The following HIPK2 variants were observed in gnomAD, a reference collection of about 807,000 sequenced individuals.
HIPK2 encodes the protein homeodomain interacting protein kinase 2.
A neutral mutation model predicts 113.7 loss-of-function variants in HIPK2; 27 were observed. That is an observed-to-expected ratio of 0.24 (90% CI 0.17 to 0.33). HIPK2 has a LOEUF of 0.33. Ranked by LOEUF, HIPK2 falls within the 10% of genes least tolerant of loss-of-function variation. The pLI is 1.00. For synonymous variants in HIPK2, 631 were observed against 642.2 expected (o/e 0.98, Z 0.26); for missense variants, 1,257 against 1,588.0 (o/e 0.79, Z 3.54).
At chr7:139,658,871 T>C (rs549692347) in intron 2 of HIPK2, among the ~76,000 whole-genome samples, 5 of 152,352 alleles carry the variant, frequency 3.3e-5, no homozygotes, top group Admixed American at 2.6e-4. Flanking sequence ...CAGGGTTTTC[T>C]ATCTGAACTA....
At chr7:139,686,334 A>G (rs1794216895) in intron 2 of HIPK2, among the ~76,000 whole-genome samples, 1 of 152,220 alleles carries the variant, frequency 6.6e-6, no homozygotes, top group African/African-American at 2.4e-5. Context: ...GTTTCTTGAG[A>G]TGGAATCTAT....
intron 2 of HIPK2, among the ~76,000 whole-genome samples, chr7:139,694,052 C>CT (rs1794493999): frequency 1.3e-5 from 2 of 152,136 alleles, no homozygotes; most frequent in African/African-American, 4.8e-5. Context: ...CAGAAATATA[C>CT]TTTTTTTCCT....
chr7:139,730,362 CTCT>C (rs890114050), intron 1 of HIPK2, among the ~76,000 whole-genome samples: 7 of 151,384 alleles, frequency 4.6e-5, no homozygotes, highest in African/African-American at 1.7e-4. Context: ...AATTTTTTCT[CTCT>C]TTTTTTTTTT....
In HIPK2 at chr7:139,668,016, A is replaced by G. The variant is rs75127553; in HGVS notation, c.1104-36291T>C. On this transcript the variant is annotated intron_variant, in intron 2 of 14. Transcript: ENST00000406875. ...GATGGCATGCACTGTCATCTCAGCT[A>G]CTCGGAAGGCTGAGACAGGCGATCG... is the stretch of plus-strand genomic sequence containing the variant. Among the ~76,000 whole-genome samples, 1,323 of 151,654 alleles carry G rather than the reference A, an allele frequency of 8.7e-3. 19 individuals carry two copies. Among genetic ancestry groups the G allele is most frequent in the African/African-American group, 0.031 (1,267 of 41,326 alleles).
intron 1 of HIPK2, among the ~76,000 whole-genome samples, chr7:139,750,844 T>C (rs1250459041): frequency 6.6e-6 from 1 of 152,214 alleles, no homozygotes; most frequent in Non-Finnish European, 1.5e-5. Flanking sequence ...AAAAAATCTT[T>C]GCTCCTCTTG....
At chr7:139,614,147 G>T in intron 8 of HIPK2, 139 bp downstream of exon 8, 1 of 799,810 alleles carries the variant, frequency 1.3e-6, no homozygotes, top group Non-Finnish European at 1.8e-6. Flanking sequence ...CTCTAGTTCA[G>T]TGATACCAGC....
At chr7:139,660,453 T>TA (rs1801829441) in intron 2 of HIPK2, among the ~76,000 whole-genome samples, 1 of 152,134 alleles carries the variant, frequency 6.6e-6, no homozygotes, top group Non-Finnish European at 1.5e-5. Context: ...TACAAAGAAA[T>TA]AAGGGAGATA....
At chr7:139,766,753 C>G (rs375491347) in intron 1 of HIPK2, among the ~76,000 whole-genome samples, 1 of 152,320 alleles carries the variant, frequency 6.6e-6, no homozygotes, top group Non-Finnish European at 1.5e-5. Flanking sequence ...CTCTAAGCCT[C>G]AATTTCCTCT....
rs999126448 is a variant in HIPK2 at position 139,630,508 on chromosome 7, G to A, written c.1347+657C>T. ...CGCCTCCCAGGTGCAAGTGATTCAC[G>A]TGCCTCAGCTTCCTGAGTAGGTGGG... On this transcript the variant is annotated intron_variant, in intron 4 of 14. Coordinates refer to ENST00000406875, the MANE Select transcript of HIPK2 (RefSeq NM_022740.5). This position sits in a 1 kb window ranked among gnomAD's most constrained non-coding sequence, Gnocchi z 4.0. 2.0e-5 allele frequency among the ~76,000 whole-genome samples: 3 copies of A among 152,138 alleles called. No homozygotes were observed. The highest frequency in any genetic ancestry group is 6.5e-5 in the Admixed American group (1 of 15,286).
chr7:139,619,497 TC>T (rs1800164112), intron 7 of HIPK2, among the ~76,000 whole-genome samples: 1 of 152,202 alleles, frequency 6.6e-6, no homozygotes. Context: ...AGCTGCTCCT[TC>T]TGCCAATTTC....
At position 139,596,854 on chromosome 7, in the gene HIPK2, G is replaced by A. The variant is rs753069391; in HGVS notation, c.2580C>T (p.Gly860=). The change falls in exon 12 of 15, where the codon GGC becomes GGT. Residue 860 remains glycine (G), a synonymous_variant. Transcript: ENST00000406875. ...ACSTSVTCGW[G]DVASSTTRER... is the part of the protein sequence containing the mutation. ...CCCGGGTGGTGCTGGAGGCCACGTC[G>A]CCCCACCCACAGGTGACCGAGGTGC... 18 of 1,613,914 alleles carry A rather than the reference G, an allele frequency of 1.1e-5. No homozygotes were observed. In the South Asian group the frequency reaches 1.6e-4, roughly 15 times the overall value.
intron 2 of HIPK2, among the ~76,000 whole-genome samples, chr7:139,711,272 A>G (rs1230021266): frequency 6.6e-6 from 1 of 152,056 alleles, no homozygotes; most frequent in Non-Finnish European, 1.5e-5. Flanking sequence ...CTAAAAATAC[A>G]AAAAAATTAG....
chr7:139,635,806 C>T (rs1306653314), intron 2 of HIPK2, among the ~76,000 whole-genome samples: 2 of 152,158 alleles, frequency 1.3e-5, no homozygotes, highest in Admixed American at 6.5e-5. Context: ...GCCGACACAG[C>T]ACACCACATG....
chr7:139,671,674 C>T (rs1045449006), intron 2 of HIPK2, among the ~76,000 whole-genome samples: 18 of 152,160 alleles, frequency 1.2e-4, no homozygotes, highest in Non-Finnish European at 4.4e-5. Context: ...CCTCATCCTT[C>T]CAAGTAGCTG....
chr7:139,743,203 G>A (rs1796134498), intron 1 of HIPK2, among the ~76,000 whole-genome samples: 2 of 152,172 alleles, frequency 1.3e-5, no homozygotes, highest in South Asian at 4.1e-4. Flanking sequence ...CTGAAAGGGA[G>A]GGCTGCACAC....
chr7:139,654,292 G>A (rs1569465621), intron 2 of HIPK2, among the ~76,000 whole-genome samples: 1 of 152,202 alleles, frequency 6.6e-6, no homozygotes. Flanking sequence ...CAAAAGGATC[G>A]CTTGGGCCCA....
intron 2 of HIPK2, among the ~76,000 whole-genome samples, chr7:139,698,556 G>A (rs1189276534): frequency 1.3e-5 from 2 of 152,192 alleles, no homozygotes; most frequent in African/African-American, 4.8e-5. Context: ...CAGTGGCTGT[G>A]CCATTTTACA....
At chr7:139,653,905 G>A (rs537181941) in intron 2 of HIPK2, among the ~76,000 whole-genome samples, 2 of 152,074 alleles carry the variant, frequency 1.3e-5, no homozygotes, top group South Asian at 4.1e-4. Context: ...GCTAATTTTT[G>A]TATTTTTAGT....
chr7:139,585,597 T>A (rs1274130310), intron 12 of HIPK2, among the ~76,000 whole-genome samples: 3 of 152,228 alleles, frequency 2.0e-5, no homozygotes, highest in Admixed American at 6.5e-5. Flanking sequence ...TCTCAGTGAT[T>A]CAGTGGCCTC....
Sources: gnomAD v4.1 joint callset for allele counts (sites outside exome capture counted in the v4.1 genomes callset) on GRCh38, gnomAD v4.1.1 for gene constraint, Gnocchi (gnomAD v3.1) non-coding constraint, MANE v1.5 for transcripts, NCBI Gene and HGNC (gene_info 2026-07-23, HGNC 2026-07-21) for gene names.